Variants in CEP63 observed in about 807,000 individuals in gnomAD.
CEP63 encodes the protein centrosomal protein of 63 kDa.
Under a neutral mutation model 89.1 loss-of-function variants are expected in CEP63, and 84 were observed. That is an observed-to-expected ratio of 0.94 (90% CI 0.79 to 1.13). The LOEUF is 1.13. Ranked by LOEUF, CEP63 falls within the 50% of genes most tolerant of loss-of-function variation. The probability of loss-of-function intolerance (pLI) is 0.00; values close to 1 mark genes in which losing one functional copy is unlikely to be tolerated. For synonymous variants in CEP63, 267 were observed against 272.5 expected (o/e 0.98, Z 0.20); for missense variants, 838 against 813.3 (o/e 1.03, Z -0.37).
At chr3:134,674,654 A>G in the CEP63 span, among the ~76,000 whole-genome samples, 70 of 152,352 alleles carry the variant, frequency 4.6e-4, no homozygotes, top group African/African-American at 1.6e-3. Flanking sequence ...TGAAGATGAT[A>G]TGATCTTATA....
the CEP63 span, among the ~76,000 whole-genome samples, chr3:134,687,595 A>G: frequency 0.058 from 8,867 of 152,292 alleles, 463 homozygotes; most frequent in South Asian, 0.29. Context: ...AGAGATCAGG[A>G]TGGAGGGCTG....
the CEP63 span, among the ~76,000 whole-genome samples, chr3:134,667,523 G>A: frequency 6.6e-6 from 1 of 152,224 alleles, no homozygotes; most frequent in African/African-American, 2.4e-5. Context: ...AAAGGACAAG[G>A]AATTTATCCC....
At chr3:134,779,641 A>G in the CEP63 span, 3 of 152,206 alleles carry the variant, frequency 2.0e-5, no homozygotes, top group Admixed American at 1.3e-4. Context: ...AGTCCTCACT[A>G]GTGGAATTTA....
At chr3:134,761,810 C>T in the CEP63 span, among the ~76,000 whole-genome samples, 6 of 152,312 alleles carry the variant, frequency 3.9e-5, no homozygotes, top group South Asian at 6.2e-4. Context: ...TCCTCTGTCT[C>T]CCAAGTGGAT....
chr3:134,742,839 C>T, the CEP63 span, among the ~76,000 whole-genome samples: 2 of 152,196 alleles, frequency 1.3e-5, no homozygotes, highest in African/African-American at 2.4e-5. Flanking sequence ...AAGATGCTGG[C>T]CCCTTGATTG....
the CEP63 span, among the ~76,000 whole-genome samples, chr3:134,616,806 G>T: frequency 6.6e-6 from 1 of 152,204 alleles, no homozygotes; most frequent in Admixed American, 6.5e-5. Context: ...AGAGCAAAAG[G>T]ACTCCAATCA....
At chr3:134,520,035 C>G (rs981331821) in intron 3 of CEP63, among the ~76,000 whole-genome samples, 2 of 152,010 alleles carry the variant, frequency 1.3e-5, no homozygotes, top group African/African-American at 4.8e-5. Flanking sequence ...CAAGGATGCC[C>G]AGTATCACCA....
intron 5 of CEP63, among the ~76,000 whole-genome samples, chr3:134,534,783 T>C (rs2068082066): frequency 1.3e-5 from 2 of 152,172 alleles, no homozygotes; most frequent in South Asian, 2.1e-4. Flanking sequence ...GGAATCATAC[T>C]GTATTTCCTC....
chr3:134,648,390 C>T, the CEP63 span, among the ~76,000 whole-genome samples: 1 of 152,272 alleles, frequency 6.6e-6, no homozygotes, highest in South Asian at 2.1e-4. Context: ...CACTTGGAAC[C>T]CTCATGACAC....
At chr3:134,671,352 G>A in the CEP63 span, among the ~76,000 whole-genome samples, 3 of 152,190 alleles carry the variant, frequency 2.0e-5, no homozygotes, top group Admixed American at 1.3e-4. Context: ...GGGTGGAAGC[G>A]GGCTGAGGGT....
chr3:134,712,922 CCTCA>C, the CEP63 span, among the ~76,000 whole-genome samples: 1 of 152,128 alleles, frequency 6.6e-6, no homozygotes, highest in African/African-American at 2.4e-5. Context: ...GAGGCCTCAC[CCTCA>C]CTCACTGGTT....
At chr3:134,705,539 G>T in the CEP63 span, among the ~76,000 whole-genome samples, 4 of 152,212 alleles carry the variant, frequency 2.6e-5, no homozygotes, top group African/African-American at 7.2e-5. Flanking sequence ...TTTTGGTGGG[G>T]ATGAACCTTC....
At position 134,498,162 on chromosome 3, in the gene CEP63, A is replaced by G. The variant is rs1940779963; in HGVS notation, c.44+2798A>G. Among the ~76,000 whole-genome samples, 3 of 152,156 alleles carry G rather than the reference A, an allele frequency of 2.0e-5. No individual in the cohort carries two copies. The South Asian group carries it at 6.2e-4, about 32-fold the overall frequency. ...GAATCTGTGGATAGATTTGGATATA[A>G]TCATTTGAATATATTAATTCTTCTG... On this transcript the variant is annotated intron_variant, in intron 2 of 14. Coordinates refer to ENST00000675561, the MANE Select transcript of CEP63 (RefSeq NM_001353108.3).
chr3:134,498,907 A>G (rs1941060183), intron 2 of CEP63, among the ~76,000 whole-genome samples: 1 of 152,132 alleles, frequency 6.6e-6, no homozygotes, highest in Admixed American at 6.5e-5. Context: ...ATGCTGTATT[A>G]TCTTTCTGTT....
At chr3:134,778,410 T>C in the CEP63 span, among the ~76,000 whole-genome samples, 6 of 148,330 alleles carry the variant, frequency 4.0e-5, no homozygotes, top group Non-Finnish European at 7.4e-5. Flanking sequence ...ATCACTCTTT[T>C]TGACTGTTTC....
At chr3:134,722,993 C>G in the CEP63 span, among the ~76,000 whole-genome samples, 79 of 152,194 alleles carry the variant, frequency 5.2e-4, no homozygotes, top group Non-Finnish European at 1.1e-3. Flanking sequence ...TCTTTGGGCA[C>G]AGCAGTTTAG....
At chr3:134,722,038 A>G in the CEP63 span, among the ~76,000 whole-genome samples, 1 of 152,160 alleles carries the variant, frequency 6.6e-6, no homozygotes, top group African/African-American at 2.4e-5. Flanking sequence ...GAGTTTGTAA[A>G]GAATTTTGTA....
At chr3:134,582,156 A>G (rs1377666515) in intron 10 of CEP63, among the ~76,000 whole-genome samples, 3 of 152,158 alleles carry the variant, frequency 2.0e-5, no homozygotes, top group Middle Eastern at 3.4e-3. Flanking sequence ...TAGAAGGAAA[A>G]GGAAATTATA....
the CEP63 span, chr3:134,650,851 G>A: frequency 3.9e-5 from 63 of 1,606,984 alleles, 1 homozygote; most frequent in African/African-American, 7.3e-4. Context: ...CAGCGAGCTC[G>A]GGTTCGCCTG....
Sources: gnomAD v4.1 joint callset for allele counts (sites outside exome capture counted in the v4.1 genomes callset) on GRCh38, gnomAD v4.1.1 for gene constraint, MANE v1.5 for transcripts, NCBI Gene and HGNC (gene_info 2026-07-23, HGNC 2026-07-21) for gene names.